Variants in PCSK2 observed in about 807,000 individuals in gnomAD.
PCSK2 encodes the protein proprotein convertase subtilisin/kexin type 2.
PCSK2 carries 14 observed loss-of-function variants against 69.7 expected under a neutral mutation model. The observed-to-expected ratio is 0.20, with a 90% CI of 0.13 to 0.31. The LOEUF is 0.31. Ranked by LOEUF, PCSK2 falls within the 10% of genes least tolerant of loss-of-function variation. The pLI is 1.00. For missense variants in PCSK2, 544 were observed against 842.5 expected (o/e 0.65, Z 4.39); for synonymous variants, 307 against 320.7 (o/e 0.96, Z 0.46).
Position 17,453,495 on chromosome 20 carries a change from T to A in PCSK2, c.886-247T>A, listed in dbSNP as rs1266519387. Reference sequence around the variant, plus strand: ...AAATTTTAAGACAGTTCTTCCAATTTTCTTACCTCATTATCCCCAGCTTAA... The same window carrying A: ...AAATTTTAAGACAGTTCTTCCAATTATCTTACCTCATTATCCCCAGCTTAA... On this transcript the variant is annotated intron_variant, in intron 8 of 11. Coordinates refer to ENST00000262545, the MANE Select transcript of PCSK2 (RefSeq NM_002594.5). The surrounding 1 kb of genome is among the most constrained non-coding windows in gnomAD (Gnocchi z 4.0). Among the ~76,000 whole-genome samples, 1 of 152,256 alleles carries A rather than the reference T, an allele frequency of 6.6e-6. No individual in the cohort carries two copies. Among genetic ancestry groups the A allele is most frequent in the African/African-American group, 2.4e-5 (1 of 41,474 alleles).
At chr20:17,355,205 G>A (rs956993673) in intron 2 of PCSK2, among the ~76,000 whole-genome samples, 4 of 152,190 alleles carry the variant, frequency 2.6e-5, no homozygotes, top group African/African-American at 9.7e-5. Flanking sequence ...GTTTGGAGTG[G>A]TTGTAATAGC....
chr20:17,387,967 A>G (rs1427054725), intron 5 of PCSK2, among the ~76,000 whole-genome samples: 1 of 152,184 alleles, frequency 6.6e-6, no homozygotes, highest in Non-Finnish European at 1.5e-5. Context: ...TTAAGGGAAG[A>G]TTTCCCTAGA....
intron 1 of PCSK2, among the ~76,000 whole-genome samples, chr20:17,258,729 T>G (rs1987269378): frequency 6.6e-6 from 1 of 150,882 alleles, no homozygotes; most frequent in South Asian, 2.1e-4. Context: ...AGCATCTGAG[T>G]GACAAGAGAA....
chr20:17,467,447 T>C (rs887325070), intron 11 of PCSK2, among the ~76,000 whole-genome samples: 16 of 152,220 alleles, frequency 1.1e-4, no homozygotes, highest in African/African-American at 3.4e-4. Context: ...ATGGCCACAA[T>C]AATTTCAGAG....
intron 5 of PCSK2, among the ~76,000 whole-genome samples, chr20:17,403,848 T>A (rs2031696563): frequency 6.6e-6 from 1 of 152,218 alleles, no homozygotes; most frequent in African/African-American, 2.4e-5. Flanking sequence ...ACAATTTCCT[T>A]GAGGTCGGGT....
intron 2 of PCSK2, among the ~76,000 whole-genome samples, chr20:17,328,603 G>A (rs1208551581): frequency 6.6e-6 from 1 of 152,078 alleles, no homozygotes; most frequent in African/African-American, 2.4e-5. Flanking sequence ...TGTATGTTTG[G>A]TGAGAAAGGG....
chr20:17,302,496 T>C (rs754870864), intron 2 of PCSK2, among the ~76,000 whole-genome samples: 12 of 152,210 alleles, frequency 7.9e-5, no homozygotes, highest in Non-Finnish European at 1.8e-4. Flanking sequence ...GCTCTTTCAG[T>C]AAGGGTCTGT....
intron 2 of PCSK2, among the ~76,000 whole-genome samples, chr20:17,343,188 C>G (rs546812736): frequency 6.6e-6 from 1 of 152,334 alleles, no homozygotes; most frequent in South Asian, 2.1e-4. Flanking sequence ...GCATCTGTAG[C>G]TGAACTTCAT....
intron 10 of PCSK2, chr20:17,464,052 T>C (rs1184068975): frequency 6.6e-6 from 1 of 152,204 alleles, no homozygotes; most frequent in Non-Finnish European, 1.5e-5. Flanking sequence ...TTCTATTCTG[T>C]TCCATTCATT....
chr20:17,279,408 G>A (rs1205495433), intron 2 of PCSK2, among the ~76,000 whole-genome samples: 1 of 152,084 alleles, frequency 6.6e-6, no homozygotes, highest in Non-Finnish European at 1.5e-5. Context: ...TCTGCATTTT[G>A]TAGTGAAACT....
At chr20:17,327,034 G>A (rs1990076886) in intron 2 of PCSK2, among the ~76,000 whole-genome samples, 1 of 152,152 alleles carries the variant, frequency 6.6e-6, no homozygotes, top group South Asian at 2.1e-4. Context: ...CTCCTCATCT[G>A]TGTGAAAAGA....
chr20:17,434,905 C>T (rs1289372911), intron 7 of PCSK2, among the ~76,000 whole-genome samples: 2 of 152,100 alleles, frequency 1.3e-5, no homozygotes, highest in African/African-American at 4.8e-5. Flanking sequence ...TCATTGGTCA[C>T]CTGCATTAAA....
In PCSK2 at chr20:17,227,319, G is replaced by T. The variant is rs1600390034; in HGVS notation, c.14G>T (p.Cys5Phe). Reference protein sequence around the residue: MKGGCVSQWKAAAGF... With the variant: MKGGFVSQWKAAAGF... ...TCCCAAAGAAGGATGAAGGGTGGTTGTGTCTCCCAGTGGAAGGCGGCCGCC... is the reference window on the plus strand; with the variant it reads ...TCCCAAAGAAGGATGAAGGGTGGTTTTGTCTCCCAGTGGAAGGCGGCCGCC... Residue 5 changes from cysteine (C) to phenylalanine (F), a missense_variant, in exon 1 of 12, where the codon TGT (cysteine) becomes TTT (phenylalanine). By Grantham distance (205) the Cys-to-Phe change is radical. Coordinates refer to ENST00000262545, the MANE Select transcript of PCSK2 (RefSeq NM_002594.5). 3.7e-6 allele frequency: 6 copies of T among 1,613,824 alleles called. No individual in the cohort carries two copies. The highest frequency in any genetic ancestry group is 5.1e-6 in the Non-Finnish European group (6 of 1,179,964).
At chr20:17,312,503 A>G (rs767658480) in intron 2 of PCSK2, among the ~76,000 whole-genome samples, 9 of 152,134 alleles carry the variant, frequency 5.9e-5, no homozygotes, top group Non-Finnish European at 8.8e-5. Context: ...AAAGCCAAGC[A>G]CGAAGTGTTC....
rs1987246558 is a variant in PCSK2 at position 17,258,150 on chromosome 20, A to G, written c.178-2090A>G. 2.6e-5 allele frequency among the ~76,000 whole-genome samples: 4 copies of G among 152,244 alleles called. No homozygotes were observed. In the South Asian group the frequency reaches 8.3e-4, roughly 32 times the overall value. ...CTAAACCCAGTCTGCACCCTCTACT[A>G]TGTATTTGGCTACTGGTTTTCACAG... is the stretch of plus-strand genomic sequence containing the variant. On this transcript the variant is annotated intron_variant, in intron 1 of 11. Coordinates refer to ENST00000262545, the MANE Select transcript of PCSK2 (RefSeq NM_002594.5).
chr20:17,281,019 T>C (rs978679851), intron 2 of PCSK2, among the ~76,000 whole-genome samples: 12 of 152,232 alleles, frequency 7.9e-5, no homozygotes, highest in Admixed American at 7.8e-4. Flanking sequence ...CATATTTGCC[T>C]TCTCCTTCTT....
chr20:17,303,474 T>TATTAA (rs1287602379), intron 2 of PCSK2, among the ~76,000 whole-genome samples: 2 of 47,144 alleles, frequency 4.2e-5, no homozygotes, highest in Non-Finnish European at 8.7e-5. Flanking sequence ...ATATATATTA[T>TATTAA]ATATAATATA....
chr20:17,263,436 G>A (rs1405238129), intron 2 of PCSK2, among the ~76,000 whole-genome samples: 2 of 152,228 alleles, frequency 1.3e-5, no homozygotes, highest in African/African-American at 4.8e-5. Flanking sequence ...ATGCTAAAAA[G>A]CAAAAGTTGT....
intron 2 of PCSK2, among the ~76,000 whole-genome samples, chr20:17,265,775 G>A (rs917548188): frequency 6.6e-6 from 1 of 152,146 alleles, no homozygotes; most frequent in African/African-American, 2.4e-5. Context: ...TCTGCACAAA[G>A]AGAATTATAG....
Sources: allele counts gnomAD v4.1 joint callset (sites outside exome capture counted in the v4.1 genomes callset), GRCh38; gene constraint gnomAD v4.1.1; non-coding constraint Gnocchi (gnomAD v3.1); transcripts MANE v1.5; gene names NCBI Gene and HGNC (gene_info 2026-07-23, HGNC 2026-07-21).